EDN1: variants seen among roughly 807,000 people sequenced by gnomAD.
EDN1 encodes endothelin-1.
Under a neutral mutation model 21.7 loss-of-function variants are expected in EDN1, and 11 were observed. The observed-to-expected ratio is 0.51, with a 90% CI of 0.32 to 0.84. The LOEUF (loss-of-function observed/expected upper bound fraction) is 0.84, where lower values mean the gene tolerates loss of function less well. EDN1 is among the 40% of genes least tolerant of loss of function. The pLI is 0.03. For synonymous variants in EDN1, 85 were observed against 90.6 expected, an observed-to-expected ratio of 0.94 and a Z score of 0.35; for missense variants, 244 against 262.3, an observed-to-expected ratio of 0.93 and a Z score of 0.48.
chr6:12,286,812 T>C (rs948748196), upstream of EDN1, among the ~76,000 whole-genome samples: 15 of 152,184 alleles, frequency 9.9e-5, no homozygotes, highest in African/African-American at 3.6e-4. Context: ...CATTCAAGTG[T>C]AGCCTCAAAA....
rs769575571 is a variant in EDN1, at chr6:12,296,003, A to T, written c.575A>T (p.Asp192Val). 6.2e-7 allele frequency: 1 copy of T among 1,613,986 alleles called. No individual in the cohort carries two copies. The highest frequency in any genetic ancestry group is 1.1e-5 in the South Asian group (1 of 91,078). Reference protein sequence around the residue: ...MRNSVKSSFHDPKLKGKPSRE... With the variant: ...MRNSVKSSFHVPKLKGKPSRE... ...AACAGCGTCAAATCATCTTTTCATG[A>T]TCCCAAGCTGAAAGGCAAGCCCTCC... The change falls in exon 5 of 5, where the codon GAT becomes GTT. Residue 192 changes from aspartate to valine, a missense_variant. Transcript: ENST00000379375.
the EDN1 span, among the ~76,000 whole-genome samples, chr6:12,271,459 A>G: frequency 6.6e-6 from 1 of 152,134 alleles, no homozygotes; most frequent in East Asian, 1.9e-4. Flanking sequence ...AATATTCTAG[A>G]CTTTTACTAT....
At chr6:12,244,152 T>G in the EDN1 span, among the ~76,000 whole-genome samples, 1 of 152,052 alleles carries the variant, frequency 6.6e-6, no homozygotes, top group African/African-American at 2.4e-5. Context: ...TTAAAAACAT[T>G]TAAAATATTT....
upstream of EDN1, among the ~76,000 whole-genome samples, chr6:12,288,311 T>TG (rs553039859): frequency 1.3e-5 from 2 of 151,382 alleles, no homozygotes; most frequent in East Asian, 1.9e-4. Context: ...GCGGGAGTGT[T>TG]GGGGGGGAGG....
At chr6:12,234,108 T>C in the EDN1 span, among the ~76,000 whole-genome samples, 1 of 152,234 alleles carries the variant, frequency 6.6e-6, no homozygotes, top group Non-Finnish European at 1.5e-5. Context: ...TTGTTAACAA[T>C]GTTGAATGCA....
At chr6:12,249,799 G>T in the EDN1 span, among the ~76,000 whole-genome samples, 1 of 151,978 alleles carries the variant, frequency 6.6e-6, no homozygotes, top group African/African-American at 2.4e-5. Context: ...TTACTTCATT[G>T]TGATTTACGA....
chr6:12,263,469 T>C, the EDN1 span, among the ~76,000 whole-genome samples: 1 of 152,332 alleles, frequency 6.6e-6, no homozygotes, highest in South Asian at 2.1e-4. Context: ...CACAGGGTAC[T>C]AGGCATTCAC....
the EDN1 span, among the ~76,000 whole-genome samples, chr6:12,240,717 A>G: frequency 6.6e-6 from 1 of 152,196 alleles, no homozygotes; most frequent in Non-Finnish European, 1.5e-5. Flanking sequence ...ACTGAGATAC[A>G]TGGGTGGCCA....
At chr6:12,259,994 A>G in the EDN1 span, among the ~76,000 whole-genome samples, 1 of 152,072 alleles carries the variant, frequency 6.6e-6, no homozygotes, top group South Asian at 2.1e-4. Flanking sequence ...AATACTGGTG[A>G]CTTGAGAATT....
At chr6:12,242,209 C>T in the EDN1 span, among the ~76,000 whole-genome samples, 33 of 152,104 alleles carry the variant, frequency 2.2e-4, no homozygotes, top group Admixed American at 8.5e-4. Context: ...AGGGTGTCGC[C>T]CAACAGTCAG....
the EDN1 span, among the ~76,000 whole-genome samples, chr6:12,272,457 T>C: frequency 4.1e-5 from 6 of 145,450 alleles, no homozygotes; most frequent in African/African-American, 1.5e-4. Context: ...ATACTCTTTT[T>C]TTTTTTTTTT....
chr6:12,284,748 G>GAAAGAAAGAAAGA, the EDN1 span, among the ~76,000 whole-genome samples: 8 of 78,536 alleles, frequency 1.0e-4, no homozygotes, highest in South Asian at 5.3e-4. Flanking sequence ...AGGAAGGAAG[G>GAAAGAAAGAAAGA]AAGAAAGAAA....
the EDN1 span, among the ~76,000 whole-genome samples, chr6:12,281,741 A>G: frequency 2.6e-5 from 4 of 152,174 alleles, no homozygotes; most frequent in Non-Finnish European, 4.4e-5. Context: ...CTGATATGTT[A>G]TATTTGCTCC....
the EDN1 span, among the ~76,000 whole-genome samples, chr6:12,269,792 G>C: frequency 6.6e-6 from 1 of 151,902 alleles, no homozygotes; most frequent in African/African-American, 2.4e-5. Flanking sequence ...TTCTTCTCTG[G>C]TGTTAGTATC....
chr6:12,259,485 T>G, the EDN1 span, among the ~76,000 whole-genome samples: 2 of 151,710 alleles, frequency 1.3e-5, no homozygotes, highest in African/African-American at 2.4e-5. Context: ...TGTAAATACT[T>G]CTTAATTAAT....
At chr6:12,275,802 CGTGT>C in the EDN1 span, among the ~76,000 whole-genome samples, 453 of 147,152 alleles carry the variant, frequency 3.1e-3, 5 homozygotes, top group African/African-American at 9.7e-3. Flanking sequence ...TTGGGGGCAC[CGTGT>C]GTGTGTGTGT....
the EDN1 span, among the ~76,000 whole-genome samples, chr6:12,259,096 T>G: frequency 6.6e-6 from 1 of 152,222 alleles, no homozygotes; most frequent in African/African-American, 2.4e-5. Flanking sequence ...TAAATATTAA[T>G]TCTTAACATT....
At chr6:12,265,225 C>T in the EDN1 span, among the ~76,000 whole-genome samples, 6 of 152,186 alleles carry the variant, frequency 3.9e-5, no homozygotes, top group East Asian at 1.9e-4. Flanking sequence ...CAATGCCAAG[C>T]GATATGTGCC....
chr6:12,248,277 C>G, the EDN1 span, among the ~76,000 whole-genome samples: 1 of 152,166 alleles, frequency 6.6e-6, no homozygotes, highest in Non-Finnish European at 1.5e-5. Context: ...AGAGAGAGCT[C>G]TTACCAGGAA....
Sources: gnomAD v4.1 joint callset for allele counts (sites outside exome capture counted in the v4.1 genomes callset) on GRCh38, gnomAD v4.1.1 for gene constraint, MANE v1.5 for transcripts, NCBI Gene and HGNC (gene_info 2026-07-23, HGNC 2026-07-21) for gene names.